Variants in PDZD2 observed in about 807,000 individuals in gnomAD.
The protein encoded by PDZD2 is PDZ domain-containing protein 2.
Under a neutral mutation model 220.7 loss-of-function variants are expected in PDZD2, and 90 were observed. The ratio of observed to expected loss-of-function variants is 0.41; its 90% CI spans 0.34 to 0.49. The LOEUF (loss-of-function observed/expected upper bound fraction) is 0.49, where lower values mean the gene tolerates loss of function less well. Among genes scored for constraint, PDZD2 ranks in the 20% least tolerant of loss-of-function variants. PDZD2 has a pLI of 0.28. For synonymous variants in PDZD2, 1,375 were observed against 1,450.5 expected, an observed-to-expected ratio of 0.95 and a Z score of 1.18; for missense variants, 3,174 against 3,608.5, an observed-to-expected ratio of 0.88 and a Z score of 3.08.
intron 1 of PDZD2, among the ~76,000 whole-genome samples, chr5:31,736,845 A>T (rs1460200106): frequency 6.6e-6 from 1 of 152,138 alleles, no homozygotes; most frequent in Non-Finnish European, 1.5e-5. Context: ...TCTCACTCGG[A>T]GTTCACACAG....
intron 5 of PDZD2, among the ~76,000 whole-genome samples, chr5:32,005,653 A>C (rs1373654172): frequency 2.6e-5 from 4 of 152,200 alleles, no homozygotes; most frequent in Non-Finnish European, 5.9e-5. Flanking sequence ...ATGTACATAC[A>C]TGTTTTCTGT....
At chr5:32,003,189 ACAC>A (rs1752441119) in intron 5 of PDZD2, among the ~76,000 whole-genome samples, 1 of 97,832 alleles carries the variant, frequency 1.0e-5, no homozygotes, top group African/African-American at 4.0e-5. Flanking sequence ...CACCACACAC[ACAC>A]TACACACACC....
chr5:32,028,932 C>T (rs1027630337), intron 6 of PDZD2, among the ~76,000 whole-genome samples: 1 of 152,178 alleles, frequency 6.6e-6, no homozygotes, highest in African/African-American at 2.4e-5. Flanking sequence ...ATCCGCCTGC[C>T]TTGGCCTCCC....
chr5:31,787,748 A>T (rs902023194), intron 1 of PDZD2: 1 of 151,968 alleles, frequency 6.6e-6, no homozygotes, highest in Non-Finnish European at 1.5e-5. Flanking sequence ...CTAGGTTCTT[A>T]CCTTCTATAA....
At chr5:31,694,447 C>T (rs1747285389) in intron 1 of PDZD2, among the ~76,000 whole-genome samples, 1 of 152,142 alleles carries the variant, frequency 6.6e-6, no homozygotes, top group South Asian at 2.1e-4. Context: ...AAGCTGGAAA[C>T]AACCACAGGT....
intron 1 of PDZD2, among the ~76,000 whole-genome samples, chr5:31,668,050 C>T (rs368317549): frequency 1.2e-4 from 18 of 151,892 alleles, no homozygotes; most frequent in African/African-American, 4.1e-4. Flanking sequence ...TTAGTAAAGA[C>T]GGGGGTTTCA....
chr5:32,070,280 A>T (rs909980659), intron 15 of PDZD2, among the ~76,000 whole-genome samples: 2 of 152,212 alleles, frequency 1.3e-5, no homozygotes, highest in African/African-American at 2.4e-5. Flanking sequence ...GAACTGAGAC[A>T]TAAGTTATTA....
intron 2 of PDZD2, among the ~76,000 whole-genome samples, chr5:31,901,159 T>G (rs2150358037): frequency 6.6e-6 from 1 of 152,278 alleles, no homozygotes; most frequent in Middle Eastern, 3.4e-3. Context: ...GGCTCATGCC[T>G]GTAATCCCAG....
intron 1 of PDZD2, among the ~76,000 whole-genome samples, chr5:31,781,554 T>C (rs1753065408): frequency 6.6e-6 from 1 of 152,202 alleles, no homozygotes; most frequent in South Asian, 2.1e-4. Flanking sequence ...ACTCTATACT[T>C]CAATGTGTTA....
At position 31,880,331 on chromosome 5, in the gene PDZD2, T is replaced by G. The variant is rs111355378; in HGVS notation, c.476+80607T>G. ...TGGCTAATTTGAAGACACAGATGAT[T>G]AAATTATTATTCAAATCCTTGAGGG... On this transcript the variant is annotated intron_variant, in intron 2 of 24. Transcript: ENST00000438447. 1.8e-3 allele frequency among the ~76,000 whole-genome samples: 281 copies of G among 152,308 alleles called. 1 individual carries two copies. Among genetic ancestry groups the G allele is most frequent in the African/African-American group, 6.4e-3 (267 of 41,558 alleles).
chr5:31,696,654 C>T (rs1440294085), intron 1 of PDZD2, among the ~76,000 whole-genome samples: 10 of 152,162 alleles, frequency 6.6e-5, no homozygotes, highest in East Asian at 1.9e-4. Context: ...TGAGGGGCTT[C>T]GGCAAGTTGC....
At position 31,725,393 on chromosome 5, in the gene PDZD2, A is replaced by T. The variant is rs1305214390; in HGVS notation, c.-360-73496A>T. 7 of 964,060 alleles carry T rather than the reference A, an allele frequency of 7.3e-6. No individual in the cohort carries two copies. In the East Asian group the frequency reaches 1.9e-4, roughly 26 times the overall value. 59.7% of individuals were successfully genotyped at this position (964,060 alleles called of 1,614,324 possible). A position where few individuals can be genotyped will look rare whatever the true frequency, so the allele number is the denominator to read the frequency against. ...CTCAACAGCATATTGTTTTAATTATAACCATTGCCTGATACAGGGAAAACT... is the reference window on the plus strand; with the variant it reads ...CTCAACAGCATATTGTTTTAATTATTACCATTGCCTGATACAGGGAAAACT... On this transcript the variant is annotated intron_variant, in intron 1 of 24. Coordinates refer to ENST00000438447, the MANE Select transcript of PDZD2 (RefSeq NM_178140.4).
At chr5:31,740,489 C>T (rs1379588734) in intron 1 of PDZD2, among the ~76,000 whole-genome samples, 1 of 134,108 alleles carries the variant, frequency 7.5e-6, no homozygotes, top group Non-Finnish European at 1.5e-5. Context: ...CTTGCCACTG[C>T]ACTCCAGCCT....
intron 1 of PDZD2, among the ~76,000 whole-genome samples, chr5:31,798,149 A>G (rs765318502): frequency 1.3e-4 from 20 of 152,152 alleles, no homozygotes; most frequent in Non-Finnish European, 1.9e-4. Context: ...ACTGTATTCA[A>G]TGTGTTTAAA....
At position 31,765,034 on chromosome 5, in the gene PDZD2, G is replaced by A. The variant is rs181716512; in HGVS notation, c.-360-33855G>A. ...GGAGTTTGCAGTGAGCCGAGATCAC[G>A]CTACTGCACTCCAGCCTGGGCCACA... On this transcript the variant is annotated intron_variant, in intron 1 of 24. Transcript: ENST00000438447. Among the ~76,000 whole-genome samples, 760 of 151,694 alleles carry A rather than the reference G, an allele frequency of 5.0e-3. 5 individuals carry two copies. The highest frequency in any genetic ancestry group is 0.017 in the African/African-American group (686 of 41,322).
At position 31,936,056 on chromosome 5, in the gene PDZD2, T is replaced by G. The variant is rs1250518597; in HGVS notation, c.477-47099T>G. 4 of 985,842 alleles carry G rather than the reference T, an allele frequency of 4.1e-6. No individual in the cohort carries two copies. The East Asian group carries it at 4.5e-4, about 112-fold the overall frequency. 61.1% of individuals were successfully genotyped at this position (985,842 alleles called of 1,614,324 possible). On this transcript the variant is annotated intron_variant, in intron 2 of 24. Transcript: ENST00000438447. ...AACACAGCGTGGCTGGATGCATTCATAAATGAAAAATGATCTGAGTGCTGT... is the reference window on the plus strand; with the variant it reads ...AACACAGCGTGGCTGGATGCATTCAGAAATGAAAAATGATCTGAGTGCTGT...
At chr5:32,076,182 A>G (rs934417953) in intron 18 of PDZD2, among the ~76,000 whole-genome samples, 1 of 148,954 alleles carries the variant, frequency 6.7e-6, no homozygotes, top group South Asian at 2.2e-4. Context: ...GCTACTCGGG[A>G]GTCTGAGGCA....
chr5:31,938,153 C>T (rs1272494663), intron 2 of PDZD2, among the ~76,000 whole-genome samples: 8 of 152,220 alleles, frequency 5.3e-5, no homozygotes, highest in African/African-American at 1.9e-4. Flanking sequence ...CTCAAGTGAT[C>T]TGCCCACCTC....
chr5:32,003,072 C>G (rs1348350296), intron 5 of PDZD2, among the ~76,000 whole-genome samples: 1 of 130,640 alleles, frequency 7.7e-6, no homozygotes, highest in Admixed American at 7.8e-5. Context: ...ACATCACACA[C>G]CCACACACCA....
Sources: gnomAD v4.1 joint callset for allele counts (sites outside exome capture counted in the v4.1 genomes callset) on GRCh38, gnomAD v4.1.1 for gene constraint, MANE v1.5 for transcripts, NCBI Gene and HGNC (gene_info 2026-07-23, HGNC 2026-07-21) for gene names.